Variants in KLF13 observed in about 807,000 individuals in gnomAD.
KLF13 encodes the protein Krueppel-like factor 13.
A neutral mutation model predicts 16.7 loss-of-function variants in KLF13; 8 were observed. That is an observed-to-expected ratio of 0.48 (90% CI 0.28 to 0.87). KLF13 has a LOEUF of 0.87. KLF13 is among the 40% of genes least tolerant of loss of function. The pLI, the probability that KLF13 is intolerant of heterozygous loss-of-function variation, is 0.10. For missense variants in KLF13, 447 were observed against 452.2 expected (o/e 0.99, Z 0.10); for synonymous variants, 245 against 208.4 (o/e 1.18, Z -1.51).
At chr15:31,355,404 A>T (rs921592051) in intron 1 of KLF13, among the ~76,000 whole-genome samples, 4 of 152,154 alleles carry the variant, frequency 2.6e-5, no homozygotes, top group African/African-American at 9.7e-5. Context: ...CCATTTTGTA[A>T]ATTATGTTAA....
At chr15:31,381,820 C>T (rs2039730256), downstream of KLF13, among the ~76,000 whole-genome samples, 1 of 152,244 alleles carries the variant, frequency 6.6e-6, no homozygotes, top group South Asian at 2.1e-4. Flanking sequence ...TGTCACTTCA[C>T]TACAGTTCTT....
rs1291354955 is a variant in KLF13 at position 31,342,709 on chromosome 15, CTTTAT to C, written c.577+14924_577+14928del. On this transcript the variant is annotated intron_variant, in intron 1 of 1. Coordinates refer to ENST00000307145, the MANE Select transcript of KLF13 (RefSeq NM_015995.4). Reference sequence around the variant, plus strand: ...CATCTGCGGATATATGTATTTTTTTCTTTATTTTCTTTCTTTTTTGGGGCAGCAGT... The same window carrying C: ...CATCTGCGGATATATGTATTTTTTTCTTTCTTTCTTTTTTGGGGCAGCAGT... Among the ~76,000 whole-genome samples the C allele has an allele frequency of 4.1e-4, 62 of 152,106 alleles. 1 individual carries two copies. The highest frequency in any genetic ancestry group is 4.1e-3 in the Admixed American group (62 of 15,280).
chr15:31,342,824 C>G (rs1473989758), intron 1 of KLF13, among the ~76,000 whole-genome samples: 1 of 152,120 alleles, frequency 6.6e-6, no homozygotes, highest in Non-Finnish European at 1.5e-5. Flanking sequence ...TGAGCTGGGC[C>G]TTCGCACCCC....
At chr15:31,404,677 C>T (rs748355345) in exon 3 of KLF13, 3 of 152,264 alleles carry the variant, frequency 2.0e-5, no homozygotes, top group Non-Finnish European at 2.9e-5. Flanking sequence ...GTCCCCATCC[C>T]TGTTGTGGTG....
chr15:31,428,858 T>C (rs75395843), intron 1 of KLF13, among the ~76,000 whole-genome samples: 2,583 of 128,868 alleles, frequency 0.02, 32 homozygotes, highest in Middle Eastern at 0.037. Context: ...AGACCAAATA[T>C]AACCAGGACA....
intron 1 of KLF13, among the ~76,000 whole-genome samples, chr15:31,336,593 A>C (rs892874650): frequency 2.0e-5 from 3 of 152,288 alleles, no homozygotes; most frequent in African/African-American, 7.2e-5. Flanking sequence ...AAAATAATAC[A>C]GGGAACTTGG....
upstream of KLF13, among the ~76,000 whole-genome samples, chr15:31,391,983 A>G (rs893478556): frequency 6.6e-6 from 1 of 151,794 alleles, no homozygotes; most frequent in Non-Finnish European, 1.5e-5. Flanking sequence ...GAGGCGGGGG[A>G]GCCCTCGGCT....
At chr15:31,347,027 G>T (rs1438874471) in intron 1 of KLF13, among the ~76,000 whole-genome samples, 1 of 152,182 alleles carries the variant, frequency 6.6e-6, no homozygotes, top group African/African-American at 2.4e-5. Context: ...CTCTCATCGG[G>T]GCTGGGACAA....
At chr15:31,413,903 T>C (rs1182028692) in intron 1 of KLF13, among the ~76,000 whole-genome samples, 1 of 152,230 alleles carries the variant, frequency 6.6e-6, no homozygotes, top group Non-Finnish European at 1.5e-5. Context: ...TACAGAATAA[T>C]ATGTATATCA....
intron 1 of KLF13, among the ~76,000 whole-genome samples, chr15:31,359,824 G>A (rs114206813): frequency 0.023 from 3,508 of 152,250 alleles, 128 homozygotes; most frequent in African/African-American, 0.079. Flanking sequence ...GGCTGGCTCC[G>A]TGTGCTTACT....
chr15:31,330,737 C>T (rs559389566), intron 1 of KLF13, among the ~76,000 whole-genome samples: 2 of 152,346 alleles, frequency 1.3e-5, no homozygotes, highest in South Asian at 2.1e-4. Context: ...TGGTCTCTGT[C>T]ACATTTAGGT....
At chr15:31,418,411 C>T (rs1432350290) in intron 1 of KLF13, among the ~76,000 whole-genome samples, 2 of 152,048 alleles carry the variant, frequency 1.3e-5, no homozygotes, top group Admixed American at 6.6e-5. Context: ...AGAAAACAAA[C>T]ATAAATAAAA....
At chr15:31,381,689 T>G (rs1214750296), downstream of KLF13, among the ~76,000 whole-genome samples, 1 of 152,218 alleles carries the variant, frequency 6.6e-6, no homozygotes, top group Non-Finnish European at 1.5e-5. Flanking sequence ...CCAAGCAAAT[T>G]CACAAAACAT....
chr15:31,383,628 C>T (rs894470057), intron 1 of KLF13, among the ~76,000 whole-genome samples: 30 of 152,326 alleles, frequency 2.0e-4, no homozygotes, highest in East Asian at 3.9e-4. Flanking sequence ...GGGCCGGGCG[C>T]GGTGGCTCAC....
intron 1 of KLF13, among the ~76,000 whole-genome samples, chr15:31,335,054 G>A (rs1167121159): frequency 6.6e-6 from 1 of 152,204 alleles, no homozygotes; most frequent in Non-Finnish European, 1.5e-5. Context: ...TGCCTCCATA[G>A]CCACGTACAT....
chr15:31,345,716 G>A (rs2039103996), intron 1 of KLF13, among the ~76,000 whole-genome samples: 1 of 152,222 alleles, frequency 6.6e-6, no homozygotes, highest in Non-Finnish European at 1.5e-5. Flanking sequence ...GTGGTTGTGA[G>A]GCCGCAGCCT....
intron 1 of KLF13, among the ~76,000 whole-genome samples, chr15:31,355,262 A>G (rs2039282721): frequency 6.6e-6 from 1 of 152,216 alleles, no homozygotes; most frequent in Admixed American, 6.5e-5. Flanking sequence ...GCAGAAGGGC[A>G]GGGTGTCATC....
chr15:31,399,619 G>A (rs1424481342), intron 2 of KLF13, among the ~76,000 whole-genome samples: 1 of 152,212 alleles, frequency 6.6e-6, no homozygotes, highest in Non-Finnish European at 1.5e-5. Flanking sequence ...AGGTCCAAGG[G>A]TGCTGAAACC....
In KLF13 at chr15:31,327,558, G is replaced by C. The variant is rs2038737113; in HGVS notation, c.346G>C (p.Ala116Pro). Residue 116 changes from alanine (A) to proline (P), a missense_variant, in exon 1 of 2, where the codon GCG becomes CCG. By Grantham distance (27) the Ala-to-Pro change is conservative (BLOSUM62 -1). This residue lies in a region of KLF13 where 359 missense variants were observed against 282.8 expected (regional missense o/e 1.27). Transcript: ENST00000307145. ...TSPGAEGAAA[A>P]PPSPAWSEPE... ...CCCCGGCGCCGAAGGCGCGGCGGCC[G>C]CGCCCCCCAGCCCGGCGTGGAGCGA... 8.9e-7 allele frequency: 1 copy of C among 1,119,900 alleles called. No homozygotes were observed. Among genetic ancestry groups the C allele is most frequent in the African/African-American group, 1.7e-5 (1 of 59,990 alleles). 69.4% of individuals were successfully genotyped at this position (1,119,900 alleles called of 1,614,324 possible).
Sources: gnomAD v4.1 joint callset for allele counts (sites outside exome capture counted in the v4.1 genomes callset) on GRCh38, gnomAD v4.1.1 for gene constraint, gnomAD v4.1.1 regional missense constraint, MANE v1.5 for transcripts, NCBI Gene and HGNC (gene_info 2026-07-23, HGNC 2026-07-21) for gene names.